Variants in GRB2 observed in about 807,000 individuals in gnomAD.
GRB2 encodes growth factor receptor-bound protein 2.
GRB2 carries 2 observed loss-of-function variants against 27.4 expected under a neutral mutation model. The observed-to-expected ratio is 0.07, with a 90% CI of 0.03 to 0.23. The LOEUF (loss-of-function observed/expected upper bound fraction) is 0.23, where lower values mean the gene tolerates loss of function less well. GRB2 is among the 10% of genes least tolerant of loss of function. GRB2 has a pLI of 1.00. For synonymous variants in GRB2, 94 were observed against 99.6 expected (o/e 0.94, Z 0.33); for missense variants, 102 against 282.4 (o/e 0.36, Z 4.58).
chr17:75,338,678 T>C (rs2078598175), intron 2 of GRB2: 3 of 368,840 alleles, frequency 8.1e-6, no homozygotes, highest in Non-Finnish European at 1.0e-5. Flanking sequence ...ACAGTTCTTT[T>C]TGTTTTTTGG....
At chr17:75,337,695 C>G (rs1399137151) in intron 2 of GRB2, among the ~76,000 whole-genome samples, 1 of 149,488 alleles carries the variant, frequency 6.7e-6, no homozygotes, top group Non-Finnish European at 1.5e-5. Flanking sequence ...CTCAGCCTCC[C>G]GAGTAGCTGG....
chr17:75,396,640 G>C (rs575626479), intron 1 of GRB2, among the ~76,000 whole-genome samples: 1 of 151,486 alleles, frequency 6.6e-6, no homozygotes, highest in Non-Finnish European at 1.5e-5. Flanking sequence ...TGCCTGCCTC[G>C]GCCTCCCAAA....
chr17:75,359,059 G>A (rs1255489331), intron 2 of GRB2, among the ~76,000 whole-genome samples: 2 of 136,894 alleles, frequency 1.5e-5, no homozygotes, highest in Non-Finnish European at 3.1e-5. Flanking sequence ...TTTAAAAAAC[G>A]CAAAAATTAG....
chr17:75,336,964 C>G (rs960184275), intron 2 of GRB2, among the ~76,000 whole-genome samples: 11 of 152,304 alleles, frequency 7.2e-5, no homozygotes, highest in African/African-American at 2.4e-4. Flanking sequence ...TCTCATATTC[C>G]TGGCCTCAAG....
At chr17:75,343,794 T>A (rs566535615) in intron 2 of GRB2, among the ~76,000 whole-genome samples, 1 of 152,304 alleles carries the variant, frequency 6.6e-6, no homozygotes, top group Non-Finnish European at 1.5e-5. Flanking sequence ...TGAAATGCTC[T>A]TGGAATGTCA....
At chr17:75,350,202 C>A (rs2078681168) in intron 2 of GRB2, among the ~76,000 whole-genome samples, 1 of 143,880 alleles carries the variant, frequency 7.0e-6, no homozygotes, top group African/African-American at 2.5e-5. Flanking sequence ...GCACTCTGGC[C>A]CAGGCAATAT....
chr17:75,365,470 CA>C (rs1468088040), intron 2 of GRB2, among the ~76,000 whole-genome samples: 1 of 152,112 alleles, frequency 6.6e-6, no homozygotes, highest in Non-Finnish European at 1.5e-5. Context: ...ATCAGTTTTG[CA>C]TTTTTAATAA....
chr17:75,367,302 T>C (rs1320270366), intron 2 of GRB2, among the ~76,000 whole-genome samples: 2 of 151,770 alleles, frequency 1.3e-5, no homozygotes, highest in Non-Finnish European at 2.9e-5. Context: ...TCTGGAGTAG[T>C]TGAGACTACA....
At chr17:75,341,102 A>C (rs1456737327) in intron 2 of GRB2, among the ~76,000 whole-genome samples, 1 of 152,106 alleles carries the variant, frequency 6.6e-6, no homozygotes, top group East Asian at 1.9e-4. Context: ...TAACAACCAG[A>C]AAGTTGAGAA....
intron 4 of GRB2, among the ~76,000 whole-genome samples, chr17:75,324,002 G>A (rs2078478617): frequency 6.6e-6 from 1 of 150,894 alleles, no homozygotes; most frequent in Non-Finnish European, 1.5e-5. Flanking sequence ...AGTAGGGACA[G>A]TGTTTCACCA....
intron 1 of GRB2, among the ~76,000 whole-genome samples, chr17:75,401,210 C>T (rs545863257): frequency 6.4e-4 from 97 of 151,964 alleles, no homozygotes; most frequent in Non-Finnish European, 9.4e-4. Context: ...CTTTGGGAGG[C>T]CGAGGCGGGT....
chr17:75,357,170 T>C (rs993964307), intron 2 of GRB2, among the ~76,000 whole-genome samples: 13 of 152,244 alleles, frequency 8.5e-5, no homozygotes, highest in Non-Finnish European at 1.5e-4. Context: ...CATTAAAATG[T>C]AAGGCAGAAA....
At position 75,337,901 on chromosome 17, in the gene GRB2, C is replaced by CTACTACTACTACTACTAT. The variant is rs1375563317; in HGVS notation, c.79-5105_79-5104insATAGTAGTAGTAGTAGTA. Among the ~76,000 whole-genome samples the CTACTACTACTACTACTAT allele has an allele frequency of 1.7e-3, 195 of 117,354 alleles. 1 individual carries two copies. Among genetic ancestry groups the CTACTACTACTACTACTAT allele is most frequent in the Admixed American group, 2.5e-3 (30 of 11,918 alleles). 77.0% of individuals were successfully genotyped at this position (117,354 alleles called of 152,430 possible). On this transcript the variant is annotated intron_variant, in intron 2 of 5. Coordinates refer to ENST00000316804, the MANE Select transcript of GRB2 (RefSeq NM_002086.5). ...ACTACTACTACTACTACTACTACTA[C>CTACTACTACTACTACTAT]TATTATTATTATTATTATTATTATT...
intron 2 of GRB2, among the ~76,000 whole-genome samples, chr17:75,391,345 T>C (rs1368219310): frequency 1.3e-5 from 2 of 152,110 alleles, no homozygotes; most frequent in Non-Finnish European, 2.9e-5. Context: ...AATAAAAATT[T>C]CTGAGGGACT....
chr17:75,321,984 C>T (rs1267680423), intron 4 of GRB2, among the ~76,000 whole-genome samples, 157 bp from the exon 5 acceptor site: 3 of 152,132 alleles, frequency 2.0e-5, no homozygotes, highest in East Asian at 1.9e-4. Flanking sequence ...GTCCCTGGGA[C>T]GGACCTCTCC....
At chr17:75,370,449 G>A (rs987009869) in intron 2 of GRB2, among the ~76,000 whole-genome samples, 10 of 152,114 alleles carry the variant, frequency 6.6e-5, no homozygotes, top group African/African-American at 2.4e-4. Flanking sequence ...TTCCAGGCTG[G>A]TACAGCTATG....
chr17:75,364,818 A>T (rs2078809085), intron 2 of GRB2, among the ~76,000 whole-genome samples: 2 of 151,746 alleles, frequency 1.3e-5, no homozygotes, highest in South Asian at 4.2e-4. Context: ...ACCCAATCTA[A>T]TCTCTCCATT....
intron 3 of GRB2, among the ~76,000 whole-genome samples, chr17:75,327,653 G>GCCA (rs2078508813): frequency 6.6e-6 from 1 of 152,050 alleles, no homozygotes; most frequent in Admixed American, 6.6e-5. Flanking sequence ...AAAGTCGCGA[G>GCCA]CCACCACGCC....
At chr17:75,364,436 C>T (rs1275040114) in intron 2 of GRB2, among the ~76,000 whole-genome samples, 1 of 152,104 alleles carries the variant, frequency 6.6e-6, no homozygotes, top group African/African-American at 2.4e-5. Flanking sequence ...GGTACTATAA[C>T]CATTTTACAG....
Sources: allele counts gnomAD v4.1 joint callset (sites outside exome capture counted in the v4.1 genomes callset), GRCh38; gene constraint gnomAD v4.1.1; transcripts MANE v1.5; gene names NCBI Gene and HGNC (gene_info 2026-07-23, HGNC 2026-07-21).